HTR2C: variants seen among roughly 807,000 people sequenced by gnomAD.
HTR2C encodes 5-hydroxytryptamine receptor 2C.
Under a neutral mutation model 21.0 loss-of-function variants are expected in HTR2C, and 5 were observed. The ratio of observed to expected loss-of-function variants is 0.24; its 90% confidence interval spans 0.12 to 0.50. The LOEUF (loss-of-function observed/expected upper bound fraction) is 0.50. Ranked by LOEUF, HTR2C falls within the 20% of genes least tolerant of loss-of-function variation. HTR2C has a pLI of 0.98. For synonymous variants in HTR2C, 150 were observed against 145.3 expected, an observed-to-expected ratio of 1.03 and a Z score of -0.23; for missense variants, 271 against 371.2, an observed-to-expected ratio of 0.73 and a Z score of 2.22.
intron 2 of HTR2C, among the ~76,000 whole-genome samples, chrX:114,724,131 T>C (rs1249320696): frequency 9.6e-6 from 1 of 104,695 alleles, no homozygotes; most frequent in East Asian, 3.1e-4. Flanking sequence ...AAGTCCTCCA[T>C]TATTATTGTG....
chrX:114,601,111 G>GT (rs1304757263), intron 1 of HTR2C, among the ~76,000 whole-genome samples: 15 of 111,795 alleles, frequency 1.3e-4, no homozygotes, highest in African/African-American at 4.9e-4. Context: ...ACTGTCACTA[G>GT]TTTTTTACTC....
chrX:114,850,862 A>G (rs1391346728), intron 5 of HTR2C, among the ~76,000 whole-genome samples: 1 of 111,472 alleles, frequency 9.0e-6, no homozygotes, highest in Non-Finnish European at 1.9e-5. Context: ...AGAGGCATAT[A>G]TAAAGCATAA....
chrX:114,723,097 T>C (rs1198076244), intron 2 of HTR2C, among the ~76,000 whole-genome samples: 1 of 111,214 alleles, frequency 9.0e-6, no homozygotes, highest in African/African-American at 3.3e-5. Context: ...ATGGTACCAG[T>C]TCCTCCTTGT....
At position 114,868,572 on chromosome X, in the gene HTR2C, G is replaced by T. The variant is rs188270275; in HGVS notation, c.550+20369G>T. On this transcript the variant is annotated intron_variant, in intron 5 of 5. Transcript: ENST00000276198. The stretch of plus-strand genomic sequence containing the variant: ...TTGATCCTGCCATCTGCCTACTAAA[G>T]GGTGTTCACTTTGTTTCCAGGTTTT... Among the ~76,000 whole-genome samples the T allele has an allele frequency of 2.0e-4, 22 of 112,258 alleles. No homozygotes were observed. The East Asian group carries it at 4.8e-3, about 25-fold the overall frequency.
At chrX:114,701,778 A>G (rs782314485) in intron 2 of HTR2C, among the ~76,000 whole-genome samples, 1 of 112,058 alleles carries the variant, frequency 8.9e-6, no homozygotes, top group East Asian at 2.8e-4. Flanking sequence ...ACAGGAGGAA[A>G]TTCAAACCAA....
chrX:114,906,721 C>T lies in HTR2C; in HGVS notation c.683C>T (p.Thr228Met). The T allele has an allele frequency of 1.7e-6, 2 of 1,211,026 alleles. No homozygotes were observed. Among genetic ancestry groups the T allele is most frequent in the Non-Finnish European group, 2.2e-6 (2 of 895,209 alleles). The change falls in exon 6 of 6, where the codon ACG (threonine) becomes ATG (methionine). Residue 228 changes from threonine (T) to methionine (M), a missense_variant. Around this residue, in one of 5 missense-constraint regions of HTR2C, gnomAD observed 192 missense variants for 247.2 expected, o/e 0.78. Transcript: ENST00000276198. ...TTCGTAGCTTTCTTCATACCGCTGA[C>T]GATTATGGTGATTACGTATTGCCTG... ...GSFVAFFIPL[T>M]IMVITYCLTI...
chrX:114,827,763 G>C (rs146061537), intron 4 of HTR2C, among the ~76,000 whole-genome samples: 1 of 111,173 alleles, frequency 9.0e-6, no homozygotes, highest in African/African-American at 3.3e-5. Context: ...CACTGGATAT[G>C]GAATTTTGAA....
intron 2 of HTR2C, among the ~76,000 whole-genome samples, chrX:114,722,693 A>G (rs1454771585): frequency 2.9e-5 from 3 of 104,688 alleles, no homozygotes; most frequent in Non-Finnish European, 3.9e-5. Context: ...CATCCCATCA[A>G]TACCTAATTT....
chrX:114,860,761 C>T (rs1244328793), intron 5 of HTR2C, among the ~76,000 whole-genome samples: 2 of 110,573 alleles, frequency 1.8e-5, no homozygotes, highest in Admixed American at 1.9e-4. Context: ...CATCACCACA[C>T]TCAAGATCAT....
chrX:114,746,578 G>T (rs1441062847), intron 4 of HTR2C, among the ~76,000 whole-genome samples: 1 of 111,457 alleles, frequency 9.0e-6, no homozygotes, highest in Non-Finnish European at 1.9e-5. Context: ...GATCAATTAG[G>T]CTCAGTGGCT....
intron 4 of HTR2C, chrX:114,823,369 G>C: frequency 3.0e-6 from 1 of 335,269 alleles, no homozygotes; most frequent in Non-Finnish European, 5.9e-6. Flanking sequence ...TTTCATGACA[G>C]CATTTACACA....
chrX:114,665,121 A>G (rs782624979), intron 2 of HTR2C, among the ~76,000 whole-genome samples: 1 of 112,027 alleles, frequency 8.9e-6, no homozygotes, highest in African/African-American at 3.2e-5. Flanking sequence ...AGAACAATAG[A>G]AAAAAAACTG....
intron 2 of HTR2C, among the ~76,000 whole-genome samples, chrX:114,662,729 A>C (rs782036171): frequency 8.9e-6 from 1 of 112,132 alleles, no homozygotes; most frequent in Non-Finnish European, 1.9e-5. Context: ...TCTTGCCAGG[A>C]GATGGCTTCT....
intron 2 of HTR2C, among the ~76,000 whole-genome samples, chrX:114,659,159 C>G (rs1556409744): frequency 1.8e-5 from 2 of 111,203 alleles, no homozygotes; most frequent in Non-Finnish European, 3.8e-5. Context: ...AACTCACTCA[C>G]TATCACGAGA....
At chrX:114,794,867 T>C in intron 4 of HTR2C, among the ~76,000 whole-genome samples, 1 of 109,856 alleles carries the variant, frequency 9.1e-6, no homozygotes, top group African/African-American at 3.3e-5. Flanking sequence ...AGCAGCATGA[T>C]TTATAGTCCT....
chrX:114,681,285 T>C (rs782723708), intron 2 of HTR2C, among the ~76,000 whole-genome samples: 3 of 111,780 alleles, frequency 2.7e-5, no homozygotes, highest in East Asian at 2.8e-4. Flanking sequence ...TTTACACTTA[T>C]ATAGCATTGT....
chrX:114,803,735 A>C (rs1470644767), intron 4 of HTR2C, among the ~76,000 whole-genome samples: 3 of 107,561 alleles, frequency 2.8e-5, no homozygotes, highest in African/African-American at 1.0e-4. Flanking sequence ...TCTTCAGTTT[A>C]ATTAGATCCC....
At chrX:114,681,891 G>A (rs1931759439) in intron 2 of HTR2C, among the ~76,000 whole-genome samples, 1 of 111,064 alleles carries the variant, frequency 9.0e-6, no homozygotes, top group Admixed American at 9.6e-5. Context: ...ATAAACATGA[G>A]CCTTCAGATA....
At chrX:114,614,831 T>C (rs1318532446) in intron 2 of HTR2C, among the ~76,000 whole-genome samples, 3 of 111,723 alleles carry the variant, frequency 2.7e-5, no homozygotes, top group African/African-American at 9.8e-5. Context: ...GTAAATATAT[T>C]ACAAGTTAAA....
Sources: gnomAD v4.1 joint callset for allele counts (sites outside exome capture counted in the v4.1 genomes callset) on GRCh38, gnomAD v4.1.1 for gene constraint, gnomAD v4.1.1 regional missense constraint, MANE v1.5 for transcripts, NCBI Gene and HGNC (gene_info 2026-07-23, HGNC 2026-07-21) for gene names.